The following LRRTM4 variants were observed in gnomAD, a reference collection of about 807,000 sequenced individuals.
The protein encoded by LRRTM4 is leucine rich repeat transmembrane neuronal 4.
A neutral mutation model predicts 47.6 loss-of-function variants in LRRTM4; 25 were observed. The ratio of observed to expected loss-of-function variants is 0.53; its 90% CI spans 0.38 to 0.73. LRRTM4 has a LOEUF of 0.73. Among genes scored for constraint, LRRTM4 ranks in the 30% least tolerant of loss-of-function variants. LRRTM4 has a pLI of 0.00. For missense variants in LRRTM4, 638 were observed against 713.4 expected (o/e 0.89, Z 1.20); for synonymous variants, 311 against 269.5 (o/e 1.15, Z -1.51).
chr2:77,084,813 C>G (rs1434362402), intron 3 of LRRTM4, among the ~76,000 whole-genome samples: 1 of 152,092 alleles, frequency 6.6e-6, no homozygotes, highest in Non-Finnish European at 1.5e-5. Context: ...ACATGAAGTA[C>G]TAACATTTAT....
At chr2:76,807,579 CATT>C (rs936090759) in intron 3 of LRRTM4, among the ~76,000 whole-genome samples, 2 of 147,626 alleles carry the variant, frequency 1.4e-5, no homozygotes, top group African/African-American at 5.0e-5. Context: ...GTTTTATTTT[CATT>C]ATTTCTTTAT....
At chr2:76,917,549 T>C (rs769928085) in intron 3 of LRRTM4, among the ~76,000 whole-genome samples, 41 of 152,270 alleles carry the variant, frequency 2.7e-4, no homozygotes, top group South Asian at 6.2e-4. Flanking sequence ...AATGTGCGTA[T>C]ATCACCATTT....
intron 3 of LRRTM4, among the ~76,000 whole-genome samples, chr2:77,489,189 C>A (rs939221963): frequency 6.6e-6 from 1 of 152,082 alleles, no homozygotes; most frequent in Non-Finnish European, 1.5e-5. Flanking sequence ...CTGATATCTT[C>A]AAATTGCCTC....
intron 3 of LRRTM4, among the ~76,000 whole-genome samples, chr2:76,836,173 A>T (rs966964680): frequency 2.1e-4 from 31 of 150,734 alleles, no homozygotes; most frequent in African/African-American, 6.4e-4. Context: ...AAAAAAAAAA[A>T]AATAACAGTG....
intron 3 of LRRTM4, among the ~76,000 whole-genome samples, chr2:77,112,436 C>CT (rs1183569915): frequency 2.0e-5 from 3 of 152,136 alleles, no homozygotes; most frequent in Non-Finnish European, 2.9e-5. Context: ...TAATACATCT[C>CT]TAGGCATGGG....
intron 3 of LRRTM4, among the ~76,000 whole-genome samples, chr2:76,774,302 C>T (rs1345962478): frequency 6.6e-6 from 1 of 151,906 alleles, no homozygotes; most frequent in Non-Finnish European, 1.5e-5. Context: ...AGCAATTCTC[C>T]TGCCTCAACC....
intron 3 of LRRTM4, among the ~76,000 whole-genome samples, chr2:77,495,261 G>A (rs184698070): frequency 9.9e-5 from 15 of 152,068 alleles, no homozygotes; most frequent in Admixed American, 9.2e-4. Context: ...ATCCCTACTA[G>A]CAATATATGA....
chr2:77,178,313 C>T lies in LRRTM4; in HGVS notation c.1551+340005G>A, dbSNP rs372724526. On this transcript the variant is annotated intron_variant, in intron 3 of 3. Transcript: ENST00000409884. ...CATTTAAAACTTTATTTCTGCTGGG[C>T]GCGGTGGCTCATGCCTGTAATCCCA... Among the ~76,000 whole-genome samples, 17 of 152,152 alleles carry T rather than the reference C, an allele frequency of 1.1e-4. No individual in the cohort carries two copies. The East Asian group carries it at 1.5e-3, about 14-fold the overall frequency.
At chr2:77,207,349 G>GTATATA (rs1553409290) in intron 3 of LRRTM4, among the ~76,000 whole-genome samples, 4,110 of 120,622 alleles carry the variant, frequency 0.034, 75 homozygotes, top group South Asian at 0.059. Flanking sequence ...TCATATATGT[G>GTATATA]TATATATATA....
chr2:76,773,727 T>TA (rs1673820756), intron 3 of LRRTM4, among the ~76,000 whole-genome samples: 2 of 151,382 alleles, frequency 1.3e-5, no homozygotes, highest in African/African-American at 4.8e-5. Context: ...ATAAAATATA[T>TA]AAAATCAAAA....
chr2:77,498,802 G>A (rs1461588748), intron 3 of LRRTM4, among the ~76,000 whole-genome samples: 1 of 151,808 alleles, frequency 6.6e-6, no homozygotes, highest in African/African-American at 2.4e-5. Flanking sequence ...TAACCTGTCA[G>A]TCCTTCAGGC....
In LRRTM4 at chr2:76,929,925, TTGTGTGTG is replaced by T. The variant is rs3055992; in HGVS notation, c.1552-181017_1552-181010del. ...AAAATGTGATAATTGCAATTAGAGT[TTGTGTGTG>T]TGTGTGTGTGTGTGTGTGTGTGTGT... On this transcript the variant is annotated intron_variant, in intron 3 of 3. Transcript: ENST00000409884. Among the ~76,000 whole-genome samples the T allele has an allele frequency of 5.3e-3, 784 of 149,296 alleles. 6 individuals carry two copies. Among genetic ancestry groups the T allele is most frequent in the African/African-American group, 0.011 (465 of 40,652 alleles).
chr2:76,800,931 A>C (rs554576216), intron 3 of LRRTM4, among the ~76,000 whole-genome samples: 1 of 151,318 alleles, frequency 6.6e-6, no homozygotes, highest in Non-Finnish European at 1.5e-5. Flanking sequence ...ATCACTGGCC[A>C]TCAGAGAAAT....
chr2:77,135,501 G>A (rs950474513), intron 3 of LRRTM4, among the ~76,000 whole-genome samples: 3 of 152,148 alleles, frequency 2.0e-5, no homozygotes, highest in African/African-American at 7.2e-5. Flanking sequence ...AAATATCAAT[G>A]TTATCAGTGA....
At chr2:76,893,541 G>T (rs1673318703) in intron 3 of LRRTM4, among the ~76,000 whole-genome samples, 2 of 151,720 alleles carry the variant, frequency 1.3e-5, no homozygotes, top group South Asian at 2.1e-4. Context: ...TACCTGAAAG[G>T]TTTTTTCTAC....
At chr2:77,428,304 C>T (rs2103898471) in intron 3 of LRRTM4, among the ~76,000 whole-genome samples, 1 of 152,298 alleles carries the variant, frequency 6.6e-6, no homozygotes, top group Middle Eastern at 3.4e-3. Context: ...TGCCCACATT[C>T]CTCGTCCAAT....
At chr2:77,037,479 G>A (rs1364817697) in intron 3 of LRRTM4, among the ~76,000 whole-genome samples, 1 of 151,496 alleles carries the variant, frequency 6.6e-6, no homozygotes, top group African/African-American at 2.4e-5. Context: ...TACATGTTTT[G>A]TCTCTAAATT....
chr2:76,751,359 AAC>A (rs1242960174), intron 3 of LRRTM4, among the ~76,000 whole-genome samples: 1 of 150,284 alleles, frequency 6.7e-6, no homozygotes, highest in East Asian at 2.2e-4. Flanking sequence ...ACAAAATAGT[AAC>A]AAGAGTATTT....
intron 3 of LRRTM4, among the ~76,000 whole-genome samples, chr2:77,180,980 T>C (rs1026417105): frequency 1.3e-5 from 2 of 152,178 alleles, no homozygotes; most frequent in African/African-American, 2.4e-5. Context: ...TAAAGCTTTC[T>C]AATCTTTTTT....
Sources: allele counts gnomAD v4.1 joint callset (sites outside exome capture counted in the v4.1 genomes callset), GRCh38; gene constraint gnomAD v4.1.1; transcripts MANE v1.5; gene names NCBI Gene and HGNC (gene_info 2026-07-23, HGNC 2026-07-21).